RNF24: variants seen among roughly 807,000 people sequenced by gnomAD.
RNF24 encodes ring finger protein 24.
In RNF24, 14 loss-of-function variants were observed where a neutral mutation model predicts 20.0. That is an observed-to-expected ratio of 0.70 (90% confidence interval 0.46 to 1.10). RNF24 has a LOEUF of 1.10. Ranked by LOEUF, RNF24 falls within the 50% of genes least tolerant of loss-of-function variation. RNF24 has a pLI of 0.00. For missense variants in RNF24, 124 were observed against 177.6 expected (o/e 0.70, Z 1.71); for synonymous variants, 45 against 61.1 (o/e 0.74, Z 1.23).
rs566488760 is a variant in RNF24 at position 3,930,140 on chromosome 20, C to T, written c.*3923G>A. 2 of 152,356 alleles carry T rather than the reference C, an allele frequency of 1.3e-5. No individual in the cohort carries two copies. The highest frequency in any genetic ancestry group is 3.4e-3 in the Middle Eastern group (1 of 294). The allele number at this position is 152,356 out of a possible 1,614,324, so 9.4% of individuals were successfully genotyped here. ...GGAGTGAGGAGCGGAGCTTGCTAGG[C>T]ATCAGGAACTCAAGAAAGGCTTTTA... is the stretch of plus-strand genomic sequence containing the variant. On this transcript the variant is annotated 3_prime_UTR_variant, in exon 6 of 6. Coordinates refer to ENST00000358395, the MANE Select transcript of RNF24 (RefSeq NM_001134337.3).
chr20:3,928,802 CAA>C lies in RNF24; in HGVS notation c.*5259_*5260del, dbSNP rs1210053810. The C allele has an allele frequency of 7.6e-6, 1 of 131,564 alleles. No homozygotes were observed. The highest frequency in any genetic ancestry group is 1.7e-5 in the Non-Finnish European group (1 of 60,522). 8.1% of individuals were successfully genotyped at this position (131,564 alleles called of 1,614,324 possible). A position where few individuals can be genotyped will look rare whatever the true frequency, so the allele number is the denominator to read the frequency against. ...AAATTGTTGGGGTAATTTCTGTTGT[CAA>C]ATGGAAAACAAGGCATAAAGGGAAA... On this transcript the variant is annotated 3_prime_UTR_variant, in exon 6 of 6. Coordinates refer to ENST00000358395, the MANE Select transcript of RNF24 (RefSeq NM_001134337.3).
intron 1 of RNF24, among the ~76,000 whole-genome samples, chr20:3,974,767 AAAT>A (rs1463322302): frequency 1.3e-5 from 2 of 152,194 alleles, no homozygotes; most frequent in Admixed American, 1.3e-4. Flanking sequence ...AGTAAAATCT[AAAT>A]AAATGCAGAG....
chr20:3,951,680 G>A (rs546051375), intron 2 of RNF24, among the ~76,000 whole-genome samples: 1 of 152,224 alleles, frequency 6.6e-6, no homozygotes, highest in African/African-American at 2.4e-5. Flanking sequence ...GAAGAGATGT[G>A]CTTCTTCATT....
At chr20:3,983,353 T>C (rs1173810167) in intron 1 of RNF24, among the ~76,000 whole-genome samples, 1 of 152,182 alleles carries the variant, frequency 6.6e-6, no homozygotes, top group Non-Finnish European at 1.5e-5. Flanking sequence ...TATATTTGCC[T>C]ATACGTATTA....
chr20:3,952,200 T>A (rs1298151345), intron 2 of RNF24, among the ~76,000 whole-genome samples: 1 of 152,068 alleles, frequency 6.6e-6, no homozygotes, highest in African/African-American at 2.4e-5. Context: ...TGTACAAAAT[T>A]CACAGACCAA....
intron 1 of RNF24, among the ~76,000 whole-genome samples, chr20:3,991,939 C>CGT (rs1491148499): frequency 6.8e-6 from 1 of 148,102 alleles, no homozygotes; most frequent in African/African-American, 2.5e-5. Flanking sequence ...CACACACACA[C>CGT]GCACACACAC....
intron 1 of RNF24, among the ~76,000 whole-genome samples, chr20:3,990,026 A>G (rs1003237474): frequency 6.6e-6 from 1 of 152,136 alleles, no homozygotes; most frequent in African/African-American, 2.4e-5. Context: ...ATTAGAGAGA[A>G]AGAGAGAGAG....
intron 1 of RNF24, among the ~76,000 whole-genome samples, chr20:3,976,349 T>C (rs1255575260): frequency 6.6e-6 from 1 of 152,166 alleles, no homozygotes; most frequent in Admixed American, 6.5e-5. Flanking sequence ...CCTATCAGAA[T>C]TGCTAAAATA....
At position 3,934,896 on chromosome 20, in the gene RNF24, GC is replaced by G; in HGVS notation, c.308+97del. On this transcript the variant is annotated intron_variant, in intron 5 of 5. Transcript: ENST00000358395. The surrounding 1 kb of genome is among the most constrained non-coding windows in gnomAD (Gnocchi z 4.0). ...TTCTGCATTACAGACCAATCATGAA[GC>G]CATCAAGCTTGTCTGGCACTGCCCT... 1.1e-6 allele frequency: 1 copy of G among 894,312 alleles called. No homozygotes were observed. The highest frequency in any genetic ancestry group is 1.8e-6 in the Non-Finnish European group (1 of 542,250). The allele number at this position is 894,312 out of a possible 1,614,324, so 55.4% of individuals were successfully genotyped here. A position where few individuals can be genotyped will look rare whatever the true frequency, so the allele number is the denominator to read the frequency against.
At chr20:3,986,216 C>G (rs1979889206) in intron 1 of RNF24, among the ~76,000 whole-genome samples, 1 of 151,832 alleles carries the variant, frequency 6.6e-6, no homozygotes, top group Non-Finnish European at 1.5e-5. Flanking sequence ...TCTTTTCTTT[C>G]TTCCTTCCCT....
At chr20:3,974,119 T>C (rs1181286766) in intron 1 of RNF24, among the ~76,000 whole-genome samples, 1 of 130,454 alleles carries the variant, frequency 7.7e-6, no homozygotes. Context: ...AGAAGAAAAA[T>C]CACATGATCA....
chr20:3,936,724 T>C (rs1249465146), intron 4 of RNF24, among the ~76,000 whole-genome samples: 1 of 152,238 alleles, frequency 6.6e-6, no homozygotes, highest in Non-Finnish European at 1.5e-5. Flanking sequence ...GTCAGGACTG[T>C]CCTCTGGAGA....
chr20:3,974,445 A>AATTAAGAATAATATTAGC, intron 1 of RNF24: 1 of 1,475,810 alleles, frequency 6.8e-7, no homozygotes, highest in Non-Finnish European at 9.0e-7. Context: ...AGGCATACAC[A>AATTAAGAATAATATTAGC]TCAGAAAGGA....
chr20:3,972,695 G>A (rs1027579890), intron 1 of RNF24, among the ~76,000 whole-genome samples: 1 of 152,150 alleles, frequency 6.6e-6, no homozygotes, highest in Non-Finnish European at 1.5e-5. Flanking sequence ...GAGGTCAGGA[G>A]TTCAAGACCA....
intron 2 of RNF24, among the ~76,000 whole-genome samples, chr20:3,949,963 T>C (rs960388099): frequency 7.0e-5 from 10 of 143,224 alleles, no homozygotes; most frequent in African/African-American, 2.7e-4. Flanking sequence ...TTGGTCTTTA[T>C]GTATGCTGTG....
chr20:4,007,082 C>T (rs558960016), intron 1 of RNF24, among the ~76,000 whole-genome samples: 1 of 152,326 alleles, frequency 6.6e-6, no homozygotes, highest in Admixed American at 6.5e-5. Flanking sequence ...AAGAAAGAGG[C>T]AGAGCAAACG....
At chr20:4,014,851 A>T (rs554076534) in intron 1 of RNF24, among the ~76,000 whole-genome samples, 1 of 152,198 alleles carries the variant, frequency 6.6e-6, no homozygotes, top group South Asian at 2.1e-4. Flanking sequence ...CCCTGCCCAC[A>T]GATGGTGACT....
At chr20:4,001,006 C>T (rs1278132305) in intron 1 of RNF24, among the ~76,000 whole-genome samples, 1 of 152,182 alleles carries the variant, frequency 6.6e-6, no homozygotes, top group Admixed American at 6.5e-5. Context: ...GTGGCTCATG[C>T]CTGTAATCCT....
At chr20:3,942,408 A>G (rs2090967878) in intron 4 of RNF24, among the ~76,000 whole-genome samples, 2 of 151,722 alleles carry the variant, frequency 1.3e-5, no homozygotes, top group South Asian at 4.2e-4. Flanking sequence ...GGCTCAAGCA[A>G]TCCTCCCACC....
Sources: allele counts gnomAD v4.1 joint callset (sites outside exome capture counted in the v4.1 genomes callset), GRCh38; gene constraint gnomAD v4.1.1; non-coding constraint Gnocchi (gnomAD v3.1); transcripts MANE v1.5; gene names NCBI Gene and HGNC (gene_info 2026-07-23, HGNC 2026-07-21).